The following FOCAD variants were observed in gnomAD, a reference collection of about 807,000 sequenced individuals.
FOCAD encodes the protein focadhesin, also known as KIAA1797.
Under a neutral mutation model 225.6 loss-of-function variants are expected in FOCAD, and 198 were observed. The observed-to-expected ratio is 0.88, with a 90% CI of 0.78 to 0.99. FOCAD has a LOEUF of 0.99. FOCAD is among the 50% of genes least tolerant of loss of function. The pLI, the probability that FOCAD is intolerant of heterozygous loss-of-function variation, is 0.00. For synonymous variants in FOCAD, 897 were observed against 755.0 expected (o/e 1.19, Z -3.08); for missense variants, 2,713 against 2,123.6 (o/e 1.28, Z -5.46).
At chr9:20,826,751 A>G (rs1331677678) in intron 15 of FOCAD, among the ~76,000 whole-genome samples, 1 of 152,104 alleles carries the variant, frequency 6.6e-6, no homozygotes, top group South Asian at 2.1e-4. Context: ...AAGTAGTCTC[A>G]AGACTCTTCC....
At chr9:20,867,879 C>T (rs771126646) in intron 18 of FOCAD, among the ~76,000 whole-genome samples, 1 of 151,976 alleles carries the variant, frequency 6.6e-6, no homozygotes, top group Non-Finnish European at 1.5e-5. Context: ...TTCTGGATTG[C>T]GTTTATACTG....
intron 11 of FOCAD, among the ~76,000 whole-genome samples, chr9:20,794,919 T>G (rs1474942632): frequency 1.3e-5 from 2 of 152,220 alleles, no homozygotes; most frequent in Non-Finnish European, 2.9e-5. Context: ...AATAATTTTT[T>G]TCTTACTCTC....
intron 35 of FOCAD, among the ~76,000 whole-genome samples, chr9:20,961,089 T>G (rs1838672004): frequency 6.6e-6 from 1 of 151,964 alleles, no homozygotes; most frequent in African/African-American, 2.4e-5. Context: ...TTTTGCAATC[T>G]ACCCATCTAT....
chr9:20,954,683 T>G (rs944554780), intron 35 of FOCAD, among the ~76,000 whole-genome samples: 5 of 152,228 alleles, frequency 3.3e-5, no homozygotes, highest in African/African-American at 1.2e-4. Context: ...GCAGTCTTGC[T>G]GAAAGCTGTT....
chr9:20,768,217 T>G (rs1426819039), intron 7 of FOCAD, among the ~76,000 whole-genome samples: 1 of 149,308 alleles, frequency 6.7e-6, no homozygotes, highest in East Asian at 1.9e-4. Flanking sequence ...CATGCTGTTT[T>G]GGTGACTGTA....
At position 20,843,501 on chromosome 9, in the gene FOCAD, G is replaced by A. The variant is rs551144665; in HGVS notation, c.1921-19077G>A. On this transcript the variant is annotated intron_variant, in intron 15 of 43. Transcript: ENST00000338382. ...ATTGGAACGATTTTATATGTTATTTGTTTCTTTTCTCTTGTTGCTTTTAGG... is the reference window on the plus strand; with the variant it reads ...ATTGGAACGATTTTATATGTTATTTATTTCTTTTCTCTTGTTGCTTTTAGG... Among the ~76,000 whole-genome samples the A allele has an allele frequency of 5.9e-5, 9 of 152,004 alleles. No homozygotes were observed. In the South Asian group the frequency reaches 1.0e-3, roughly 18 times the overall value.
At chr9:20,729,502 T>C (rs1035852014) in intron 4 of FOCAD, among the ~76,000 whole-genome samples, 1 of 152,182 alleles carries the variant, frequency 6.6e-6, no homozygotes, top group Non-Finnish European at 1.5e-5. Flanking sequence ...TATTTCCATA[T>C]AAGGTCACAT....
rs1263572456 is a variant in FOCAD at position 20,720,457 on chromosome 9, G to C, written c.210G>C (p.Leu70=). ...TTCGAACAGCCTGCTGTGAAGGTCT[G>C]GTGGCACTCGTTGCTCAGGATCATG... ...VVVRTACCEG[L]VALVAQDHAE... Residue 70 remains leucine (L), a synonymous_variant, in exon 4 of 44, where the codon CTG becomes CTC. Transcript: ENST00000338382. 6.2e-7 allele frequency: 1 copy of C among 1,614,000 alleles called. No individual in the cohort carries two copies. Among genetic ancestry groups the C allele is most frequent in the Admixed American group, 1.7e-5 (1 of 60,006 alleles).
chr9:20,770,869 C>G (rs1433032527), intron 8 of FOCAD, among the ~76,000 whole-genome samples: 1 of 152,038 alleles, frequency 6.6e-6, no homozygotes, highest in East Asian at 1.9e-4. Context: ...ACCACTGTGA[C>G]TTTTTTTTCA....
At chr9:20,857,769 G>GT (rs34385218) in intron 15 of FOCAD, among the ~76,000 whole-genome samples, 51,835 of 124,010 alleles carry the variant, frequency 0.42, 10,721 homozygotes, top group African/African-American at 0.54. Context: ...TCTATACCCA[G>GT]TTTTTTTTTT....
intron 21 of FOCAD, among the ~76,000 whole-genome samples, chr9:20,903,118 C>T (rs555510318): frequency 2.4e-4 from 37 of 152,010 alleles, no homozygotes; most frequent in African/African-American, 8.7e-4. Context: ...CAAACATTTC[C>T]CCATGCTCCT....
intron 24 of FOCAD, among the ~76,000 whole-genome samples, chr9:20,920,732 A>G (rs1249708772): frequency 6.6e-6 from 1 of 151,564 alleles, no homozygotes; most frequent in Non-Finnish European, 1.5e-5. Flanking sequence ...TGAACACCGC[A>G]TGTTCTTACT....
chr9:20,733,036 C>T (rs1826843832), intron 4 of FOCAD, among the ~76,000 whole-genome samples: 1 of 152,070 alleles, frequency 6.6e-6, no homozygotes, highest in South Asian at 2.1e-4. Flanking sequence ...CCCCTGAACA[C>T]ATTATACTAT....
At chr9:20,827,239 G>C (rs563568419) in intron 15 of FOCAD, among the ~76,000 whole-genome samples, 10 of 152,016 alleles carry the variant, frequency 6.6e-5, no homozygotes, top group Admixed American at 5.9e-4. Context: ...GCAACCATGA[G>C]TCTACTTTCT....
At chr9:20,801,034 T>C (rs532993103) in intron 11 of FOCAD, among the ~76,000 whole-genome samples, 2 of 152,308 alleles carry the variant, frequency 1.3e-5, no homozygotes, top group East Asian at 3.9e-4. Context: ...TTGGTGTGGA[T>C]GTCCTTTCTG....
chr9:20,982,862 A>G (rs1840824487), intron 39 of FOCAD, among the ~76,000 whole-genome samples: 1 of 152,246 alleles, frequency 6.6e-6, no homozygotes, highest in Non-Finnish European at 1.5e-5. Context: ...ACAAAATGCA[A>G]GATATTTTGT....
At chr9:20,959,863 G>A (rs1258236927) in intron 35 of FOCAD, among the ~76,000 whole-genome samples, 1 of 152,044 alleles carries the variant, frequency 6.6e-6, no homozygotes, top group African/African-American at 2.4e-5. Flanking sequence ...ATTAATTTCT[G>A]AGTTCTCTGT....
chr9:20,778,442 G>A (rs1032502105), intron 8 of FOCAD, among the ~76,000 whole-genome samples: 1 of 152,046 alleles, frequency 6.6e-6, no homozygotes, highest in South Asian at 2.1e-4. Context: ...GGCTGGTCTC[G>A]AACTTCTGAC....
At chr9:20,923,526 C>G (rs927687649) in intron 24 of FOCAD, 134 bp from the exon 25 acceptor site, 26 of 617,398 alleles carry the variant, frequency 4.2e-5, no homozygotes, top group Non-Finnish European at 6.3e-5. Flanking sequence ...ACACAACAAA[C>G]AGACCTGCAT....
Sources: allele counts gnomAD v4.1 joint callset (sites outside exome capture counted in the v4.1 genomes callset), GRCh38; gene constraint gnomAD v4.1.1; transcripts MANE v1.5; gene names NCBI Gene and HGNC (gene_info 2026-07-23, HGNC 2026-07-21).